Variants in NDUFV2 observed in about 807,000 individuals in gnomAD.
NDUFV2 encodes the protein NADH dehydrogenase [ubiquinone] flavoprotein 2, mitochondrial.
In NDUFV2, 18 loss-of-function variants were observed where a neutral mutation model predicts 31.6. The observed-to-expected ratio is 0.57, with a 90% CI of 0.39 to 0.84. NDUFV2 has a LOEUF of 0.84. Among genes scored for constraint, NDUFV2 ranks in the 40% least tolerant of loss-of-function variants. NDUFV2 has a pLI of 0.00. For missense variants in NDUFV2, 314 were observed against 303.6 expected, an observed-to-expected ratio of 1.03 and a Z score of -0.26; for synonymous variants, 83 against 99.8, an observed-to-expected ratio of 0.83 and a Z score of 1.01.
chr18:9,102,789 G>C lies in NDUFV2; in HGVS notation c.46G>C (p.Ala16Pro), dbSNP rs765504285. The C allele has an allele frequency of 6.4e-7, 1 of 1,573,224 alleles. No homozygotes were observed. The highest frequency in any genetic ancestry group is 8.6e-7 in the Non-Finnish European group (1 of 1,161,476). Residue 16 changes from alanine (A) to proline (P), a missense_variant, in exon 1 of 8, where the codon GCC becomes CCC. Transcript: ENST00000318388. ...CCGGGCCCGGGCGGCTGGCCTCACCGCCCACTGGGTAAGGAGGCTCAAGCT... is the reference window on the plus strand; with the variant it reads ...CCGGGCCCGGGCGGCTGGCCTCACCCCCCACTGGGTAAGGAGGCTCAAGCT... Reference protein sequence around the residue: ...ALRARAAGLTAHWGRHVRNLH... With the variant: ...ALRARAAGLTPHWGRHVRNLH...
intron 7 of NDUFV2, among the ~76,000 whole-genome samples, chr18:9,129,100 C>G (rs889316067): frequency 6.6e-6 from 1 of 152,126 alleles, no homozygotes; most frequent in Non-Finnish European, 1.5e-5. Flanking sequence ...ACCACCATGC[C>G]CAGCTAATTT....
chr18:9,131,462 G>A (rs2078039748), intron 7 of NDUFV2, among the ~76,000 whole-genome samples: 1 of 152,170 alleles, frequency 6.6e-6, no homozygotes, highest in Non-Finnish European at 1.5e-5. Flanking sequence ...AAATTTTTTA[G>A]TATGGATTAG....
intron 4 of NDUFV2, among the ~76,000 whole-genome samples, 186 bp from the exon 5 acceptor site, chr18:9,122,327 A>G (rs1349417429): frequency 6.6e-6 from 1 of 152,204 alleles, no homozygotes; most frequent in African/African-American, 2.4e-5. Context: ...GTGTAAGTAC[A>G]TTGTCTGCAA....
rs751364764 is a variant in NDUFV2 at position 9,119,572 on chromosome 18, C to T, written c.282C>T (p.Pro94=). ...CCCAAAGGCAGAATGGGTGGTTGCCCATCTCTGCTATGAACAAGGTACTGG... is the reference window on the plus strand; with the variant it reads ...CCCAAAGGCAGAATGGGTGGTTGCCTATCTCTGCTATGAACAAGGTACTGG... ...DLAQRQNGWL[P]ISAMNKVAEV... is the part of the protein sequence containing the mutation. The change falls in exon 4 of 8, where the codon CCC becomes CCT. Residue 94 remains proline (P), a synonymous_variant. Transcript: ENST00000318388. 14 of 1,612,892 alleles carry T rather than the reference C, an allele frequency of 8.7e-6. No homozygotes were observed. The East Asian group carries it at 3.1e-4, about 36-fold the overall frequency.
intron 1 of NDUFV2, among the ~76,000 whole-genome samples, chr18:9,114,830 A>G (rs1157429509): frequency 6.6e-6 from 1 of 152,256 alleles, no homozygotes; most frequent in Non-Finnish European, 1.5e-5. Flanking sequence ...GTGCGTATCC[A>G]GAGCTTTACA....
intron 5 of NDUFV2, among the ~76,000 whole-genome samples, chr18:9,124,334 AC>A (rs762624658): frequency 8.6e-5 from 13 of 151,102 alleles, no homozygotes; most frequent in Non-Finnish European, 1.9e-4. Flanking sequence ...TGTTGCCCAG[AC>A]TGGTCTCAAA....
intron 1 of NDUFV2, among the ~76,000 whole-genome samples, chr18:9,107,053 A>C (rs1486243775): frequency 2.0e-5 from 3 of 152,154 alleles, no homozygotes; most frequent in African/African-American, 7.2e-5. Context: ...TTTGTTGTGT[A>C]AACTAATACT....
chr18:9,131,581 T>C (rs1373293653), intron 7 of NDUFV2, among the ~76,000 whole-genome samples: 1 of 152,336 alleles, frequency 6.6e-6, no homozygotes, highest in Non-Finnish European at 1.5e-5. Flanking sequence ...TTTGGTTTTT[T>C]ATACTAAAAG....
In NDUFV2 at chr18:9,134,229, TTGAC is replaced by T. The variant is rs778365317; in HGVS notation, c.704_707del (p.Thr235AsnfsTer18). 12 of 1,613,236 alleles carry T rather than the reference TTGAC, an allele frequency of 7.4e-6. No individual in the cohort carries two copies. The highest frequency in any genetic ancestry group is 3.3e-5 in the South Asian group (3 of 91,062). ...TGAGCCAGCTGGAGGTCTTACCTCT[TTGAC>T]TGAACCACCCAAGGGACCTGGATTT... On this transcript the variant is annotated frameshift_variant, in exon 8 of 8. Transcript: ENST00000318388. LOFTEE classifies it high-confidence loss of function.
chr18:9,133,682 T>A (rs1332959999), intron 7 of NDUFV2, among the ~76,000 whole-genome samples: 1 of 152,226 alleles, frequency 6.6e-6, no homozygotes, highest in Non-Finnish European at 1.5e-5. Flanking sequence ...GTGTATTCCC[T>A]CTATTCACTG....
chr18:9,108,689 ATT>A (rs11291545), intron 1 of NDUFV2, among the ~76,000 whole-genome samples: 205 of 122,974 alleles, frequency 1.7e-3, no homozygotes, highest in Middle Eastern at 0.013. Context: ...TTTTCATGGA[ATT>A]TTTTTTTTTT....
At chr18:9,104,017 T>C in intron 1 of NDUFV2, 3 of 809,178 alleles carry the variant, frequency 3.7e-6, no homozygotes, top group Non-Finnish European at 5.6e-6. Flanking sequence ...TAAGAGGAAC[T>C]TTAAGGTTGA....
At chr18:9,116,001 T>G (rs2077896128) in intron 1 of NDUFV2, 1 of 152,238 alleles carries the variant, frequency 6.6e-6, no homozygotes, top group South Asian at 2.1e-4. Context: ...AAAAGATACT[T>G]GGTAGTTTGA....
Position 9,122,658 on chromosome 18 carries a change from T to C in NDUFV2, c.446T>C (p.Leu149Pro). The change falls in exon 5 of 8, where the codon CTG becomes CCG. Residue 149 changes from leucine to proline, a missense_variant. Leu to Pro is a moderately conservative substitution (Grantham distance 98). Transcript: ENST00000318388. The part of the protein sequence containing the change: ...PCMLRNSDSI[L>P]EAIQKKLGIK... ...ATGCTTCGAAACTCTGACAGCATACTGGAGGCCATTCAGAAAAAGCTTGGT... is the reference window on the plus strand; with the variant it reads ...ATGCTTCGAAACTCTGACAGCATACCGGAGGCCATTCAGAAAAAGCTTGGT... The C allele has an allele frequency of 6.2e-7, 1 of 1,614,010 alleles. No homozygotes were observed. The highest frequency in any genetic ancestry group is 8.5e-7 in the Non-Finnish European group (1 of 1,179,910).
intron 7 of NDUFV2, among the ~76,000 whole-genome samples, chr18:9,129,922 T>G (rs1426392235): frequency 6.6e-6 from 1 of 152,198 alleles, no homozygotes; most frequent in Non-Finnish European, 1.5e-5. Flanking sequence ...AGTAGATATG[T>G]GGGACTAAGG....
rs975496182 is a variant in NDUFV2, at chr18:9,102,708, T to G, written c.-36T>G. ...CCTGGGCGCGCTCGGGATTCTCGCC[T>G]GGCGCGGCTGGGGAAGGTGAACAGT... On this transcript the variant is annotated 5_prime_UTR_variant, in exon 1 of 8. Coordinates refer to ENST00000318388, the MANE Select transcript of NDUFV2 (RefSeq NM_021074.5). 5.1e-6 allele frequency: 8 copies of G among 1,568,824 alleles called. No individual in the cohort carries two copies. Among genetic ancestry groups the G allele is most frequent in the African/African-American group, 2.8e-5 (2 of 72,612 alleles).
At position 9,102,811 on chromosome 18, in the gene NDUFV2, A is replaced by G; in HGVS notation, c.54+14A>G. 6.4e-7 allele frequency: 1 copy of G among 1,555,566 alleles called. No individual in the cohort carries two copies. Among genetic ancestry groups the G allele is most frequent in the Non-Finnish European group, 8.7e-7 (1 of 1,151,978 alleles). On this transcript the variant is annotated intron_variant, in intron 1 of 7. Coordinates refer to ENST00000318388, the MANE Select transcript of NDUFV2 (RefSeq NM_021074.5). ...ACCGCCCACTGGGTAAGGAGGCTCA[A>G]GCTGAGCCCGGCGCTGCCGCCGCCC...
chr18:9,133,401 G>A (rs946505700), intron 7 of NDUFV2: 1 of 152,270 alleles, frequency 6.6e-6, no homozygotes, highest in African/African-American at 2.4e-5. Flanking sequence ...CTGGGAAAGC[G>A]TGTGTGGGGT....
chr18:9,121,503 A>G (rs1160081462), intron 4 of NDUFV2: 1 of 152,356 alleles, frequency 6.6e-6, no homozygotes, highest in East Asian at 1.9e-4. Context: ...CAAGTGAGCC[A>G]TGATTAGATG....
Sources: allele counts gnomAD v4.1 joint callset (sites outside exome capture counted in the v4.1 genomes callset), GRCh38; gene constraint gnomAD v4.1.1; transcripts MANE v1.5; gene names NCBI Gene and HGNC (gene_info 2026-07-23, HGNC 2026-07-21).